Variants in OXR1 observed in about 807,000 individuals in gnomAD.
The protein encoded by OXR1 is oxidation resistance 1, also known as oxidation resistance protein 1.
A neutral mutation model predicts 104.6 loss-of-function variants in OXR1; 41 were observed. The ratio of observed to expected loss-of-function variants is 0.39; its 90% CI spans 0.31 to 0.51. OXR1 has a LOEUF of 0.51. OXR1 is among the 20% of genes least tolerant of loss of function. The pLI is 0.77. For missense variants in OXR1, 955 were observed against 1,031.9 expected (o/e 0.93, Z 1.02); for synonymous variants, 348 against 348.4 (o/e 1.00, Z 0.01).
intron 3 of OXR1, among the ~76,000 whole-genome samples, chr8:106,583,237 C>A (rs982198245): frequency 2.0e-5 from 3 of 151,940 alleles, no homozygotes; most frequent in Non-Finnish European, 4.4e-5. Flanking sequence ...GGTTAAGTTC[C>A]CCAAAATTTA....
intron 2 of OXR1, among the ~76,000 whole-genome samples, chr8:106,407,007 G>A (rs928552988): frequency 6.6e-6 from 1 of 152,058 alleles, no homozygotes; most frequent in African/African-American, 2.4e-5. Flanking sequence ...GGAGCAGGGG[G>A]TATATGAAAA....
chr8:106,315,080 A>G (rs969110157), intron 1 of OXR1, among the ~76,000 whole-genome samples: 1 of 151,718 alleles, frequency 6.6e-6, no homozygotes, highest in African/African-American at 2.4e-5. Context: ...TTTATTTGAG[A>G]GGCATTGTAG....
chr8:106,451,244 A>G (rs1480155860), intron 2 of OXR1, among the ~76,000 whole-genome samples: 2 of 152,186 alleles, frequency 1.3e-5, no homozygotes, highest in African/African-American at 4.8e-5. Flanking sequence ...ACCTGGAATC[A>G]AGGACCACAT....
At chr8:106,678,855 A>G in intron 3 of OXR1, among the ~76,000 whole-genome samples, 1 of 152,066 alleles carries the variant, frequency 6.6e-6, no homozygotes, top group East Asian at 1.9e-4. Flanking sequence ...ATCTTGAAAG[A>G]TGTATTTTAA....
chr8:106,525,219 GT>G (rs1813568179), intron 3 of OXR1, among the ~76,000 whole-genome samples: 1 of 152,202 alleles, frequency 6.6e-6, no homozygotes, highest in South Asian at 2.1e-4. Context: ...CATTTACTGT[GT>G]GCCAGGATCT....
At chr8:106,431,362 A>G (rs1312083651) in intron 2 of OXR1, among the ~76,000 whole-genome samples, 1 of 152,204 alleles carries the variant, frequency 6.6e-6, no homozygotes, top group Non-Finnish European at 1.5e-5. Context: ...GCAAAACTGT[A>G]ACTCAGAGCT....
At chr8:106,322,266 TTC>T (rs2130184028) in intron 1 of OXR1, among the ~76,000 whole-genome samples, 1 of 152,290 alleles carries the variant, frequency 6.6e-6, no homozygotes, top group African/African-American at 2.4e-5. Context: ...ATAAATGTGA[TTC>T]ATCACATAAA....
intron 3 of OXR1, among the ~76,000 whole-genome samples, chr8:106,557,822 G>A (rs1296560943): frequency 6.6e-6 from 1 of 152,040 alleles, no homozygotes; most frequent in Non-Finnish European, 1.5e-5. Flanking sequence ...CTCAGAAGTG[G>A]GTTCTTTGTT....
At chr8:106,323,665 A>AT (rs1056221537) in intron 1 of OXR1, among the ~76,000 whole-genome samples, 29 of 152,302 alleles carry the variant, frequency 1.9e-4, no homozygotes, top group African/African-American at 6.7e-4. Flanking sequence ...AATTTACAAG[A>AT]TAAAAACAAA....
chr8:106,505,639 T>G (rs1319631539), intron 2 of OXR1, among the ~76,000 whole-genome samples: 2 of 152,058 alleles, frequency 1.3e-5, no homozygotes, highest in Non-Finnish European at 2.9e-5. Context: ...AGAGGAGACT[T>G]AAAAAATAAG....
rs1444071200 is a variant in OXR1, at chr8:106,617,906, G to A, written c.221-61304G>A. 12 of 475,838 alleles carry A rather than the reference G, an allele frequency of 2.5e-5. No homozygotes were observed. The South Asian group carries it at 2.7e-4, about 11-fold the overall frequency. The allele number at this position is 475,838 out of a possible 1,614,324, so 29.5% of individuals were successfully genotyped here. A position where few individuals can be genotyped will look rare whatever the true frequency, so the allele number is the denominator to read the frequency against. On this transcript the variant is annotated intron_variant, in intron 3 of 16. Transcript: ENST00000517566. ...TCATACAGAGCATGTCGTCGTCACC[G>A]TTTCTAAAATGTTCAGTGAGCCAAG...
Position 106,684,316 on chromosome 8 carries a change from C to A in OXR1, c.482C>A (p.Pro161His). ...TCTCCATCTCTAAGCCCCGTAAGTC[C>A]TCTGTCACCAACATCATCTGAGGCT... Reference protein sequence around the residue: ...ESSPSLSPVSPLSPTSSEAEF... With the variant: ...ESSPSLSPVSHLSPTSSEAEF... The change falls in exon 6 of 17, where the codon CCT becomes CAT. Residue 161 changes from proline to histidine, a missense_variant. This residue lies in a region of OXR1 where 849 missense variants were observed against 852.9 expected (regional missense o/e 1.00). Coordinates refer to ENST00000517566, the MANE Select transcript of OXR1 (RefSeq NM_001198533.2). 6.2e-7 allele frequency: 1 copy of A among 1,608,572 alleles called. No individual in the cohort carries two copies. The highest frequency in any genetic ancestry group is 1.3e-5 in the African/African-American group (1 of 74,920).
chr8:106,437,248 A>G (rs1044427659), intron 2 of OXR1, among the ~76,000 whole-genome samples: 1 of 152,174 alleles, frequency 6.6e-6, no homozygotes, highest in African/African-American at 2.4e-5. Context: ...TAAAATAGCA[A>G]GTCTATCAAT....
intron 3 of OXR1, among the ~76,000 whole-genome samples, chr8:106,523,905 G>T (rs1048696820): frequency 6.6e-6 from 1 of 151,906 alleles, no homozygotes; most frequent in African/African-American, 2.4e-5. Flanking sequence ...CTCCCGAGTA[G>T]CTGGGACTAC....
chr8:106,663,920 G>C (rs758369193), intron 3 of OXR1, among the ~76,000 whole-genome samples: 1 of 152,138 alleles, frequency 6.6e-6, no homozygotes, highest in Non-Finnish European at 1.5e-5. Flanking sequence ...GAGTGTACCA[G>C]TTGTTACAGT....
Position 106,523,562 on chromosome 8 carries a change from T to A in OXR1, c.220+4423T>A, listed in dbSNP as rs1427443901. ...AATACAATATTCTATTTCATTTTTT[T>A]AAAATACAGTCTCAACTCACTAAGT... On this transcript the variant is annotated intron_variant, in intron 3 of 16. Transcript: ENST00000517566. Among the ~76,000 whole-genome samples, 5 of 152,146 alleles carry A rather than the reference T, an allele frequency of 3.3e-5. 1 individual carries two copies. Among genetic ancestry groups the A allele is most frequent in the East Asian group, 1.9e-4 (1 of 5,196 alleles).
At chr8:106,660,754 G>A (rs1158776785) in intron 3 of OXR1, among the ~76,000 whole-genome samples, 5 of 152,000 alleles carry the variant, frequency 3.3e-5, no homozygotes. Flanking sequence ...GGCTCACGTC[G>A]GTAATCCCAG....
intron 2 of OXR1, among the ~76,000 whole-genome samples, chr8:106,360,978 A>T (rs1816220065): frequency 6.6e-6 from 1 of 152,164 alleles, no homozygotes. Flanking sequence ...TGTGCAGTGC[A>T]GCCTGGTTCA....
intron 3 of OXR1, among the ~76,000 whole-genome samples, chr8:106,653,464 G>T (rs181973583): frequency 2.0e-5 from 3 of 151,958 alleles, no homozygotes; most frequent in Admixed American, 6.6e-5. Context: ...ATTAATTAAT[G>T]CAAACACTAT....
Sources: gnomAD v4.1 joint callset for allele counts (sites outside exome capture counted in the v4.1 genomes callset) on GRCh38, gnomAD v4.1.1 for gene constraint, gnomAD v4.1.1 regional missense constraint, MANE v1.5 for transcripts, NCBI Gene and HGNC (gene_info 2026-07-23, HGNC 2026-07-21) for gene names.